Variants in FSTL5 observed in about 807,000 individuals in gnomAD.
The protein encoded by FSTL5 is follistatin like 5.
A neutral mutation model predicts 89.1 loss-of-function variants in FSTL5; 62 were observed. The observed-to-expected ratio is 0.70, with a 90% CI of 0.57 to 0.86. The LOEUF is 0.86. Among genes scored for constraint, FSTL5 ranks in the 40% least tolerant of loss-of-function variants. The pLI is 0.00. For synonymous variants in FSTL5, 383 were observed against 346.2 expected (o/e 1.11, Z -1.18); for missense variants, 1,057 against 1,001.6 (o/e 1.06, Z -0.75).
intron 1 of FSTL5, among the ~76,000 whole-genome samples, chr4:162,121,534 T>C (rs1280004630): frequency 2.0e-5 from 3 of 152,086 alleles, no homozygotes; most frequent in South Asian, 4.1e-4. Flanking sequence ...TATGTTGGTA[T>C]ACACACAGAA....
At chr4:161,733,032 G>C (rs141309034) in intron 6 of FSTL5, among the ~76,000 whole-genome samples, 1 of 151,326 alleles carries the variant, frequency 6.6e-6, no homozygotes, top group African/African-American at 2.4e-5. Flanking sequence ...AAGCCTCCTG[G>C]TGTTTTATTT....
chr4:161,445,372 T>C (rs1431073953), intron 15 of FSTL5, among the ~76,000 whole-genome samples: 2 of 151,782 alleles, frequency 1.3e-5, no homozygotes, highest in Admixed American at 6.6e-5. Context: ...TTTACCATAA[T>C]AAAAAAGTTA....
intron 1 of FSTL5, among the ~76,000 whole-genome samples, chr4:162,160,659 AT>A (rs1385411694): frequency 6.6e-6 from 1 of 151,862 alleles, no homozygotes; most frequent in East Asian, 1.9e-4. Context: ...TTTAAATATT[AT>A]TTTTAAATGG....
At chr4:161,412,803 A>G (rs533043910) in intron 15 of FSTL5, among the ~76,000 whole-genome samples, 2 of 152,190 alleles carry the variant, frequency 1.3e-5, no homozygotes, top group South Asian at 2.1e-4. Flanking sequence ...CCAAGAAAAC[A>G]AAAAAGCAAC....
At chr4:161,646,285 T>G (rs1014826449) in intron 7 of FSTL5, among the ~76,000 whole-genome samples, 1 of 149,440 alleles carries the variant, frequency 6.7e-6, no homozygotes, top group African/African-American at 2.4e-5. Context: ...TTATATATAT[T>G]TATGCATGTG....
chr4:162,014,696 T>C (rs570427850), intron 3 of FSTL5, among the ~76,000 whole-genome samples: 2 of 152,196 alleles, frequency 1.3e-5, no homozygotes, highest in African/African-American at 4.8e-5. Flanking sequence ...TTTGTTTGAA[T>C]GGATGCATTT....
chr4:162,039,253 G>T (rs1737857820), intron 2 of FSTL5, among the ~76,000 whole-genome samples: 1 of 151,678 alleles, frequency 6.6e-6, no homozygotes, highest in Non-Finnish European at 1.5e-5. Context: ...TAGATATAAG[G>T]CAAGGTTCTT....
At chr4:161,581,897 A>T (rs1733450789) in intron 8 of FSTL5, among the ~76,000 whole-genome samples, 1 of 152,244 alleles carries the variant, frequency 6.6e-6, no homozygotes, top group Admixed American at 6.5e-5. Flanking sequence ...GATGACTTTT[A>T]AAAATTTCAA....
chr4:161,400,673 A>G (rs1731153518), intron 15 of FSTL5, among the ~76,000 whole-genome samples: 1 of 152,168 alleles, frequency 6.6e-6, no homozygotes, highest in African/African-American at 2.4e-5. Flanking sequence ...AATATTACAT[A>G]TAGAAACATT....
chr4:161,870,750 G>A (rs1732238761), intron 4 of FSTL5, among the ~76,000 whole-genome samples: 1 of 152,082 alleles, frequency 6.6e-6, no homozygotes, highest in African/African-American at 2.4e-5. Context: ...CATTACAAAT[G>A]TTCAATACAC....
At chr4:161,743,204 T>C (rs908794971) in intron 6 of FSTL5, among the ~76,000 whole-genome samples, 1 of 152,168 alleles carries the variant, frequency 6.6e-6, no homozygotes, top group Non-Finnish European at 1.5e-5. Context: ...CTCTTACTTT[T>C]TGGTCATTGA....
At chr4:161,635,144 T>C (rs1363641576) in intron 7 of FSTL5, among the ~76,000 whole-genome samples, 1 of 152,062 alleles carries the variant, frequency 6.6e-6, no homozygotes, top group Non-Finnish European at 1.5e-5. Flanking sequence ...ATCCCAGCAA[T>C]TTGGGAGGCC....
At chr4:161,450,821 C>A (rs997681519) in intron 15 of FSTL5, among the ~76,000 whole-genome samples, 6 of 150,018 alleles carry the variant, frequency 4.0e-5, no homozygotes, top group African/African-American at 4.9e-5. Flanking sequence ...CGGCTTACTG[C>A]AAGATCCACC....
At chr4:161,543,665 T>A (rs893829644) in intron 8 of FSTL5, among the ~76,000 whole-genome samples, 1 of 151,744 alleles carries the variant, frequency 6.6e-6, no homozygotes, top group African/African-American at 2.4e-5. Context: ...TTGATGGTCA[T>A]TTTTTTTCCC....
intron 4 of FSTL5, among the ~76,000 whole-genome samples, chr4:161,815,563 T>G (rs1730298910): frequency 1.3e-5 from 2 of 152,214 alleles, no homozygotes. Context: ...TCCTGGTAAT[T>G]TGAGTTTGCC....
chr4:162,122,028 GTTTA>G (rs1172176272), intron 1 of FSTL5, among the ~76,000 whole-genome samples: 15 of 151,980 alleles, frequency 9.9e-5, no homozygotes, highest in Admixed American at 2.0e-4. Context: ...CTAATTGACT[GTTTA>G]TGTTATAGGC....
At position 161,741,501 on chromosome 4, in the gene FSTL5, G is replaced by T. The variant is rs147295534; in HGVS notation, c.727+17910C>A. Among the ~76,000 whole-genome samples the T allele has an allele frequency of 2.9e-4, 44 of 152,068 alleles. No individual in the cohort carries two copies. The East Asian group carries it at 5.6e-3, about 20-fold the overall frequency. On this transcript the variant is annotated intron_variant, in intron 6 of 15. Transcript: ENST00000306100. ...TTTTTTACCTTATTCTGACCTAAAG[G>T]CCTCTAAGTTAATAACTTAGTGTTG...
chr4:162,109,702 C>A (rs1731362148), intron 2 of FSTL5, among the ~76,000 whole-genome samples: 1 of 151,888 alleles, frequency 6.6e-6, no homozygotes, highest in Non-Finnish European at 1.5e-5. Context: ...TGATATTTAG[C>A]AAGGGAACAA....
At chr4:161,718,880 C>T (rs906633247) in intron 6 of FSTL5, among the ~76,000 whole-genome samples, 3 of 152,120 alleles carry the variant, frequency 2.0e-5, no homozygotes, top group South Asian at 2.1e-4. Flanking sequence ...TCTGAATCAT[C>T]GTATACTTAT....
Sources: allele counts gnomAD v4.1 joint callset (sites outside exome capture counted in the v4.1 genomes callset), GRCh38; gene constraint gnomAD v4.1.1; transcripts MANE v1.5; gene names NCBI Gene and HGNC (gene_info 2026-07-23, HGNC 2026-07-21).